GLIS3: variants seen among roughly 807,000 people sequenced by gnomAD.
The protein encoded by GLIS3 is zinc finger protein GLIS3.
In GLIS3, 53 loss-of-function variants were observed where a neutral mutation model predicts 78.6. The observed-to-expected ratio is 0.67, with a 90% CI of 0.54 to 0.85. The LOEUF is 0.85. Among genes scored for constraint, GLIS3 ranks in the 40% least tolerant of loss-of-function variants. The pLI, the probability that GLIS3 is intolerant of heterozygous loss-of-function variation, is 0.00. For missense variants in GLIS3, 1,703 were observed against 1,231.1 expected (o/e 1.38, Z -5.74); for synonymous variants, 684 against 509.9 (o/e 1.34, Z -4.60).
chr9:4,148,441 A>T (rs537053278), intron 2 of GLIS3, among the ~76,000 whole-genome samples: 1 of 152,100 alleles, frequency 6.6e-6, no homozygotes, highest in East Asian at 1.9e-4. Flanking sequence ...AACCTTCCAT[A>T]TTCCTTCCTC....
chr9:4,308,453 G>A (rs533912071), intron 4 of GLIS3, among the ~76,000 whole-genome samples: 109 of 152,136 alleles, frequency 7.2e-4, no homozygotes, highest in Non-Finnish European at 1.4e-3. Context: ...GCAACGAAGA[G>A]GAGAAGGGAG....
rs373969004 is a variant in GLIS3, at chr9:3,972,888, C to T, written c.1711-35699G>A. Among the ~76,000 whole-genome samples, 45 of 152,230 alleles carry T rather than the reference C, an allele frequency of 3.0e-4. 1 individual carries two copies. The East Asian group carries it at 3.9e-3, about 13-fold the overall frequency. ...TCCCAAAACACGTTAGAATGAGTCA[C>T]GGTAGTTCTAGTGAATCTCTCTTCT... On this transcript the variant is annotated intron_variant, in intron 4 of 10. Coordinates refer to ENST00000381971, the MANE Select transcript of GLIS3 (RefSeq NM_001042413.2).
the GLIS3 span, among the ~76,000 whole-genome samples, chr9:4,448,478 G>A: frequency 9.2e-5 from 14 of 152,186 alleles, 1 homozygote; most frequent in Admixed American, 8.5e-4. Flanking sequence ...TGGCTTACAG[G>A]CAGTCAGGTC....
the GLIS3 span, among the ~76,000 whole-genome samples, chr9:4,465,075 A>C: frequency 6.6e-6 from 1 of 152,358 alleles, no homozygotes; most frequent in Middle Eastern, 3.4e-3. Flanking sequence ...TTGCATACTT[A>C]ACCTACAGCA....
rs1470985661 is a variant in GLIS3, at chr9:4,073,885, T to C, written c.1710+43883A>G. Among the ~76,000 whole-genome samples, 3 of 152,318 alleles carry C rather than the reference T, an allele frequency of 2.0e-5. No homozygotes were observed. In the East Asian group the frequency reaches 5.8e-4, roughly 29 times the overall value. ...TAGGAGGTGCTCAGTAATTGCTCTG[T>C]GTGTGTCTGATGTGTGTAAGTACAC... On this transcript the variant is annotated intron_variant, in intron 4 of 10. Coordinates refer to ENST00000381971, the MANE Select transcript of GLIS3 (RefSeq NM_001042413.2).
At chr9:3,828,536 G>A in intron 10 of GLIS3, 128 bp from the exon 11 acceptor site, 5 of 1,168,836 alleles carry the variant, frequency 4.3e-6, no homozygotes, top group East Asian at 2.5e-5. Context: ...GCCAGCCTGG[G>A]CCCTATAGTG....
At chr9:4,434,094 C>CAAAA in the GLIS3 span, among the ~76,000 whole-genome samples, 1 of 100,214 alleles carries the variant, frequency 1.0e-5, no homozygotes, top group Non-Finnish European at 2.0e-5. Flanking sequence ...GACTCTGTCT[C>CAAAA]AAAAAAAAAA....
chr9:4,085,944 G>A (rs115914164), intron 4 of GLIS3, among the ~76,000 whole-genome samples: 3,999 of 152,204 alleles, frequency 0.026, 147 homozygotes, highest in African/African-American at 0.092. Context: ...AAATTACCCA[G>A]TCCTGGGTAT....
At chr9:4,055,913 G>A (rs188290821) in intron 4 of GLIS3, among the ~76,000 whole-genome samples, 18 of 152,292 alleles carry the variant, frequency 1.2e-4, no homozygotes, top group South Asian at 8.3e-4. Context: ...TGGCAGTGAC[G>A]GAGGAAGGAA....
the GLIS3 span, among the ~76,000 whole-genome samples, chr9:4,439,204 C>T: frequency 7.8e-4 from 119 of 152,190 alleles, no homozygotes; most frequent in African/African-American, 2.7e-3. Context: ...ATTCCAAAAG[C>T]CATAATTTTT....
At chr9:4,161,295 TC>T (rs1835459255) in intron 2 of GLIS3, among the ~76,000 whole-genome samples, 1 of 151,814 alleles carries the variant, frequency 6.6e-6, no homozygotes, top group African/African-American at 2.4e-5. Flanking sequence ...CAAATAAGAA[TC>T]TTAAAAATTT....
intron 7 of GLIS3, among the ~76,000 whole-genome samples, chr9:3,892,729 C>G (rs1822547491): frequency 6.6e-6 from 1 of 151,828 alleles, no homozygotes; most frequent in Admixed American, 6.6e-5. Flanking sequence ...GTTTTTCTTT[C>G]CTTGGAAGGC....
intron 1 of GLIS3, among the ~76,000 whole-genome samples, chr9:4,290,761 A>T (rs1393436469): frequency 6.6e-6 from 1 of 152,174 alleles, no homozygotes; most frequent in African/African-American, 2.4e-5. Context: ...CAATATAAAC[A>T]CAGCTATATT....
intron 6 of GLIS3, among the ~76,000 whole-genome samples, chr9:3,926,623 CTTTT>C (rs914566412): frequency 1.1e-4 from 16 of 151,276 alleles, no homozygotes; most frequent in African/African-American, 2.4e-5. Context: ...TTCCTTCCTT[CTTTT>C]CTTTCTTTCT....
chr9:4,315,788 T>A (rs1291035832), intron 2 of GLIS3, among the ~76,000 whole-genome samples: 1 of 151,960 alleles, frequency 6.6e-6, no homozygotes, highest in Admixed American at 6.6e-5. Flanking sequence ...ACTTGGGCCG[T>A]CAGTAGGTGG....
chr9:3,941,350 T>C (rs1465903206), intron 4 of GLIS3, among the ~76,000 whole-genome samples: 2 of 151,996 alleles, frequency 1.3e-5, no homozygotes, highest in East Asian at 3.9e-4. Flanking sequence ...TCCCAACTTT[T>C]TATTTTATTT....
At chr9:4,080,051 G>A (rs1005589815) in intron 4 of GLIS3, among the ~76,000 whole-genome samples, 33 of 152,344 alleles carry the variant, frequency 2.2e-4, no homozygotes, top group African/African-American at 7.9e-4. Context: ...AAATGCTATT[G>A]TAAAAGTGTT....
intron 4 of GLIS3, among the ~76,000 whole-genome samples, chr9:3,990,861 CA>C (rs1263791382): frequency 6.6e-6 from 1 of 152,088 alleles, no homozygotes; most frequent in Non-Finnish European, 1.5e-5. Context: ...CCCTCTCTTC[CA>C]AAATATACAG....
intron 2 of GLIS3, among the ~76,000 whole-genome samples, chr9:4,148,987 C>A (rs1834451168): frequency 6.6e-6 from 1 of 152,008 alleles, no homozygotes; most frequent in Non-Finnish European, 1.5e-5. Flanking sequence ...CCCATGAAGC[C>A]CTCCGTGGAA....
Sources: allele counts gnomAD v4.1 joint callset (sites outside exome capture counted in the v4.1 genomes callset), GRCh38; gene constraint gnomAD v4.1.1; transcripts MANE v1.5; gene names NCBI Gene and HGNC (gene_info 2026-07-23, HGNC 2026-07-21).